PIK3R3: variants seen among roughly 807,000 people sequenced by gnomAD.
PIK3R3 encodes the protein phosphatidylinositol 3-kinase regulatory subunit gamma.
Under a neutral mutation model 62.9 loss-of-function variants are expected in PIK3R3, and 64 were observed. The observed-to-expected ratio is 1.02, with a 90% CI of 0.83 to 1.25. PIK3R3 has a LOEUF of 1.25. Ranked by LOEUF, PIK3R3 falls within the 50% of genes most tolerant of loss-of-function variation. PIK3R3 has a pLI of 0.00. For synonymous variants in PIK3R3, 165 were observed against 189.0 expected (o/e 0.87, Z 1.04); for missense variants, 614 against 561.6 (o/e 1.09, Z -0.94).
At chr1:46,046,372 G>A (rs1181055417) in intron 8 of PIK3R3, among the ~76,000 whole-genome samples, 179 bp downstream of exon 8, 1 of 152,074 alleles carries the variant, frequency 6.6e-6, no homozygotes, top group Non-Finnish European at 1.5e-5. Flanking sequence ...TCAGAAGCAG[G>A]TCTCTGAACT....
intron 7 of PIK3R3, among the ~76,000 whole-genome samples, chr1:46,047,861 A>G (rs1571346532): frequency 6.6e-6 from 1 of 152,028 alleles, no homozygotes. Context: ...GCTCACTGCA[A>G]CCTCCATCTC....
intron 3 of PIK3R3, among the ~76,000 whole-genome samples, chr1:46,074,085 C>A (rs538017533): frequency 6.9e-6 from 1 of 145,312 alleles, no homozygotes; most frequent in Admixed American, 6.9e-5. Flanking sequence ...GTCAGGAGAT[C>A]GAGATCATCC....
intron 1 of PIK3R3, among the ~76,000 whole-genome samples, chr1:46,111,655 G>T (rs184167016): frequency 1.3e-5 from 2 of 152,128 alleles, no homozygotes; most frequent in Admixed American, 1.3e-4. Flanking sequence ...GAACCCAGAG[G>T]CAGAGATTGC....
chr1:46,131,044 T>A (rs1021691550), intron 1 of PIK3R3, among the ~76,000 whole-genome samples: 1 of 152,168 alleles, frequency 6.6e-6, no homozygotes, highest in Non-Finnish European at 1.5e-5. Flanking sequence ...TTACATTACG[T>A]GTATAGGAAC....
chr1:46,125,761 C>CT lies in PIK3R3; in HGVS notation c.106+6085dup, dbSNP rs947834071. Reference sequence around the variant, plus strand: ...GGTCTCAAAATGCGATCTAGAGTTTCTTTTTTTTTTTTTTCTTGAGACAGA... The same window carrying CT: ...GGTCTCAAAATGCGATCTAGAGTTTCTTTTTTTTTTTTTTTCTTGAGACAGA... On this transcript the variant is annotated intron_variant, in intron 1 of 9. Transcript: ENST00000262741. Among the ~76,000 whole-genome samples, 404 of 143,800 alleles carry CT rather than the reference C, an allele frequency of 2.8e-3. 1 individual carries two copies. Among genetic ancestry groups the CT allele is most frequent in the Middle Eastern group, 0.018 (5 of 272 alleles). The allele number at this position is 143,800 out of a possible 152,430, so 94.3% of individuals were successfully genotyped here.
the PIK3R3 span, among the ~76,000 whole-genome samples, chr1:46,171,706 G>T: frequency 9.9e-5 from 15 of 152,050 alleles, no homozygotes; most frequent in Non-Finnish European, 1.8e-4. Flanking sequence ...GGAAAATCTC[G>T]GGGGCAGGAG....
chr1:46,047,586 T>C (rs369910762), intron 7 of PIK3R3, among the ~76,000 whole-genome samples: 9 of 152,112 alleles, frequency 5.9e-5, no homozygotes, highest in East Asian at 5.8e-4. Flanking sequence ...GTGGAAAGCA[T>C]CTTCGTTCAT....
At chr1:46,122,732 ATAACAT>A (rs1220180007) in intron 1 of PIK3R3, among the ~76,000 whole-genome samples, 1 of 152,186 alleles carries the variant, frequency 6.6e-6, no homozygotes, top group African/African-American at 2.4e-5. Context: ...AATCTTGCTA[ATAACAT>A]TAAGTATTGC....
intron 6 of PIK3R3, among the ~76,000 whole-genome samples, chr1:46,060,697 C>T (rs966515855): frequency 1.3e-5 from 2 of 152,182 alleles, no homozygotes; most frequent in Non-Finnish European, 2.9e-5. Flanking sequence ...ATTTAAGCTA[C>T]ACTGCCTCAC....
At chr1:46,082,323 T>A (rs1331367943) in intron 1 of PIK3R3, among the ~76,000 whole-genome samples, 1 of 152,206 alleles carries the variant, frequency 6.6e-6, no homozygotes, top group Non-Finnish European at 1.5e-5. Context: ...TTACCTGTAA[T>A]CTTCAACAAT....
At chr1:46,062,667 A>G (rs1362689597) in intron 5 of PIK3R3, among the ~76,000 whole-genome samples, 1 of 152,250 alleles carries the variant, frequency 6.6e-6, no homozygotes, top group Non-Finnish European at 1.5e-5. Flanking sequence ...ATAAATATGC[A>G]TAAGGGTCTA....
At chr1:46,116,509 G>A (rs1268723331) in intron 1 of PIK3R3, among the ~76,000 whole-genome samples, 1 of 151,784 alleles carries the variant, frequency 6.6e-6, no homozygotes, top group Non-Finnish European at 1.5e-5. Context: ...CAGAGTTAAA[G>A]CCTTATCTCT....
chr1:46,171,772 G>A, the PIK3R3 span, among the ~76,000 whole-genome samples: 1 of 152,222 alleles, frequency 6.6e-6, no homozygotes, highest in African/African-American at 2.4e-5. Flanking sequence ...GAAGAGAGGG[G>A]CCAGGACACT....
chr1:46,145,512 A>G, the PIK3R3 span, among the ~76,000 whole-genome samples: 1,447 of 152,242 alleles, frequency 9.5e-3, 77 homozygotes, highest in East Asian at 0.15. Flanking sequence ...ATGTGCAGAG[A>G]TCACATGGTG....
intron 1 of PIK3R3, among the ~76,000 whole-genome samples, chr1:46,121,665 TAATA>T (rs1397987058): frequency 1.3e-5 from 2 of 152,014 alleles, no homozygotes; most frequent in Non-Finnish European, 2.9e-5. Flanking sequence ...AATAAATAGT[TAATA>T]AATAAAAATT....
intron 1 of PIK3R3, among the ~76,000 whole-genome samples, chr1:46,091,775 T>C (rs1478506923): frequency 1.3e-5 from 2 of 152,168 alleles, no homozygotes; most frequent in African/African-American, 2.4e-5. Flanking sequence ...AATCCAAGGA[T>C]GTTCAAAGTC....
At chr1:46,161,908 T>G in the PIK3R3 span, among the ~76,000 whole-genome samples, 2 of 150,226 alleles carry the variant, frequency 1.3e-5, no homozygotes, top group African/African-American at 2.5e-5. Context: ...CTGGCTAACA[T>G]GGTGAAACCC....
upstream of PIK3R3, among the ~76,000 whole-genome samples, chr1:46,136,479 G>A (rs1015961617): frequency 2.6e-5 from 4 of 152,094 alleles, no homozygotes; most frequent in African/African-American, 7.2e-5. Context: ...GGTATTCCTT[G>A]TATTTGGCAT....
At chr1:46,149,421 C>CAAA in the PIK3R3 span, among the ~76,000 whole-genome samples, 18 of 51,946 alleles carry the variant, frequency 3.5e-4, no homozygotes, top group Non-Finnish European at 4.2e-4. Context: ...GACTCTGTCT[C>CAAA]AAAAAAAAAA....
Sources: gnomAD v4.1 joint callset for allele counts (sites outside exome capture counted in the v4.1 genomes callset) on GRCh38, gnomAD v4.1.1 for gene constraint, MANE v1.5 for transcripts, NCBI Gene and HGNC (gene_info 2026-07-23, HGNC 2026-07-21) for gene names.